Variants in GRID1 observed in about 807,000 individuals in gnomAD.
GRID1 encodes glutamate ionotropic receptor delta type subunit 1.
GRID1 carries 28 observed loss-of-function variants against 98.0 expected under a neutral mutation model. That is an observed-to-expected ratio of 0.29 (90% confidence interval 0.21 to 0.39). The LOEUF is 0.39. Among genes scored for constraint, GRID1 ranks in the 10% least tolerant of loss-of-function variants. The pLI, the probability that GRID1 is intolerant of heterozygous loss-of-function variation, is 1.00. For missense variants in GRID1, 1,111 were observed against 1,340.5 expected (o/e 0.83, Z 2.67); for synonymous variants, 553 against 538.5 (o/e 1.03, Z -0.37).
chr10:85,690,035 A>T (rs1335484801), intron 12 of GRID1, among the ~76,000 whole-genome samples: 1 of 152,184 alleles, frequency 6.6e-6, no homozygotes, highest in East Asian at 1.9e-4. Context: ...ATTTTCCAAA[A>T]AAGATATCAG....
rs887511191 is a variant in GRID1, at chr10:85,649,814, T to C, written c.1998-2417A>G. Among the ~76,000 whole-genome samples, 4 of 152,188 alleles carry C rather than the reference T, an allele frequency of 2.6e-5. No homozygotes were observed. The East Asian group carries it at 5.8e-4, about 22-fold the overall frequency. On this transcript the variant is annotated intron_variant, in intron 12 of 15. Transcript: ENST00000327946. ...TATGGCTTCATGTTCATTTCTGTTTTAGTAGACCTCACTGTTCCCACCCCA... is the reference window on the plus strand; with the variant it reads ...TATGGCTTCATGTTCATTTCTGTTTCAGTAGACCTCACTGTTCCCACCCCA...
At chr10:85,658,500 C>T (rs150001756) in intron 12 of GRID1, among the ~76,000 whole-genome samples, 1 of 152,318 alleles carries the variant, frequency 6.6e-6, no homozygotes, top group East Asian at 1.9e-4. Flanking sequence ...TGTCTTCATA[C>T]TCAGGACTGC....
At chr10:86,209,611 G>A (rs748751997) in intron 2 of GRID1, among the ~76,000 whole-genome samples, 8 of 152,126 alleles carry the variant, frequency 5.3e-5, no homozygotes, top group Non-Finnish European at 1.0e-4. Flanking sequence ...GACAATACGT[G>A]GATATTTTTT....
chr10:86,294,063 G>A (rs919551657), intron 2 of GRID1, among the ~76,000 whole-genome samples: 8 of 152,218 alleles, frequency 5.3e-5, no homozygotes, highest in Admixed American at 1.3e-4. Flanking sequence ...AATCGAGGCA[G>A]AGGATCAGGA....
At chr10:86,149,064 C>A (rs1336876317) in intron 3 of GRID1, among the ~76,000 whole-genome samples, 1 of 152,204 alleles carries the variant, frequency 6.6e-6, no homozygotes, top group Non-Finnish European at 1.5e-5. Flanking sequence ...GGGAACGCCC[C>A]CAAAAGGGCT....
chr10:86,133,335 T>C (rs1419319576), intron 4 of GRID1, among the ~76,000 whole-genome samples: 3 of 152,206 alleles, frequency 2.0e-5, no homozygotes, highest in African/African-American at 7.2e-5. Flanking sequence ...TGTGTGTGTG[T>C]GTGTGCACAA....
At chr10:86,223,489 T>C (rs872813) in intron 2 of GRID1, among the ~76,000 whole-genome samples, 114,150 of 152,174 alleles carry the variant, frequency 0.75, 43,255 homozygotes, top group East Asian at 0.88. Flanking sequence ...GGCTGCTCTG[T>C]GCTGAGGAGG....
intron 4 of GRID1, among the ~76,000 whole-genome samples, chr10:86,096,520 T>A (rs1844223716): frequency 6.6e-6 from 1 of 152,184 alleles, no homozygotes; most frequent in African/African-American, 2.4e-5. Flanking sequence ...AGCCACTTAG[T>A]CCAGATACGG....
chr10:85,759,126 T>G (rs1212484547), intron 8 of GRID1, among the ~76,000 whole-genome samples: 2 of 152,200 alleles, frequency 1.3e-5, no homozygotes, highest in African/African-American at 4.8e-5. Context: ...TCTCTGAGTC[T>G]TGGTCATGAA....
chr10:86,297,044 G>A (rs990712633), intron 2 of GRID1, among the ~76,000 whole-genome samples: 5 of 152,084 alleles, frequency 3.3e-5, no homozygotes, highest in African/African-American at 7.2e-5. Flanking sequence ...TCCCAGATGG[G>A]ACTTTATGTT....
chr10:85,651,503 C>G (rs878984697), intron 12 of GRID1, among the ~76,000 whole-genome samples: 2 of 152,208 alleles, frequency 1.3e-5, no homozygotes, highest in African/African-American at 2.4e-5. Flanking sequence ...CCATCAGCCC[C>G]CAGTCTACTG....
chr10:86,138,878 T>C lies in GRID1; in HGVS notation c.667A>G (p.Thr223Ala). The C allele has an allele frequency of 6.2e-7, 1 of 1,614,204 alleles. No homozygotes were observed. The highest frequency in any genetic ancestry group is 1.1e-5 in the South Asian group (1 of 91,084). ...KTEELNRYRD[T>A]LRRAILLLSP... ...AGCAGCAGGATGGCGCGGCGAAGCG[T>C]GTCCCGGTAGCGATTCAGCTCCTCT... The change falls in exon 4 of 16, where the codon ACG (threonine) becomes GCG (alanine). Residue 223 changes from threonine (T) to alanine (A), a missense_variant. Physicochemically the swap from Thr to Ala is moderately conservative, Grantham distance 58. This residue lies in a region of GRID1 where 346 missense variants were observed against 452.3 expected (regional missense o/e 0.76). Transcript: ENST00000327946.
chr10:85,813,273 G>T (rs1842689026), intron 8 of GRID1, among the ~76,000 whole-genome samples: 1 of 151,124 alleles, frequency 6.6e-6, no homozygotes, highest in African/African-American at 2.4e-5. Context: ...TAAGCACAAA[G>T]AAAACCATGT....
intron 8 of GRID1, among the ~76,000 whole-genome samples, chr10:85,804,149 G>GA (rs914744296): frequency 1.4e-5 from 2 of 147,968 alleles, no homozygotes; most frequent in East Asian, 2.0e-4. Context: ...AGTTAAGGAA[G>GA]AAAAAAATGA....
rs140909623 is a variant in GRID1, at chr10:85,795,135, T to C, written c.1233+59361A>G. 2.9e-3 allele frequency among the ~76,000 whole-genome samples: 435 copies of C among 152,342 alleles called. 4 individuals carry two copies. Among genetic ancestry groups the C allele is most frequent in the African/African-American group, 9.9e-3 (413 of 41,582 alleles). ...CGAGAAATATAATCACTGGACTACC[T>C]ATGCTTTTGTTCAAAAGACAGGACA... is the stretch of plus-strand genomic sequence containing the variant. On this transcript the variant is annotated intron_variant, in intron 8 of 15. Transcript: ENST00000327946.
intron 8 of GRID1, among the ~76,000 whole-genome samples, chr10:85,773,099 G>A (rs1172897033): frequency 6.6e-6 from 1 of 152,182 alleles, no homozygotes; most frequent in Non-Finnish European, 1.5e-5. Flanking sequence ...ACCGAATCCA[G>A]CAGCACATCA....
At chr10:86,204,422 AC>A (rs143573482) in intron 3 of GRID1, among the ~76,000 whole-genome samples, 1 of 152,324 alleles carries the variant, frequency 6.6e-6, no homozygotes, top group African/African-American at 2.4e-5. Flanking sequence ...GAGAGTCAGG[AC>A]AAGCCAAGAG....
At chr10:86,200,740 C>T (rs144550027) in intron 3 of GRID1, among the ~76,000 whole-genome samples, 2,031 of 152,180 alleles carry the variant, frequency 0.013, 47 homozygotes, top group African/African-American at 0.046. Context: ...AAAGAAAAGG[C>T]TCGATTTTAA....
chr10:85,670,618 G>C (rs1841074204), intron 12 of GRID1, among the ~76,000 whole-genome samples: 2 of 152,150 alleles, frequency 1.3e-5, no homozygotes, highest in African/African-American at 4.8e-5. Flanking sequence ...CGAGTTGCTT[G>C]AAGCCCCCTC....
Sources: gnomAD v4.1 joint callset for allele counts (sites outside exome capture counted in the v4.1 genomes callset) on GRCh38, gnomAD v4.1.1 for gene constraint, gnomAD v4.1.1 regional missense constraint, MANE v1.5 for transcripts, NCBI Gene and HGNC (gene_info 2026-07-23, HGNC 2026-07-21) for gene names.